The following PTGFR variants were observed in gnomAD, a reference collection of about 807,000 sequenced individuals.
The protein encoded by PTGFR is prostaglandin F2-alpha receptor.
In PTGFR, 15 loss-of-function variants were observed where a neutral mutation model predicts 26.2. The ratio of observed to expected loss-of-function variants is 0.57; its 90% CI spans 0.38 to 0.88. PTGFR has a LOEUF of 0.88. PTGFR is among the 40% of genes least tolerant of loss of function. PTGFR has a pLI of 0.00. For missense variants in PTGFR, 369 were observed against 427.2 expected (o/e 0.86, Z 1.20); for synonymous variants, 165 against 151.1 (o/e 1.09, Z -0.68).
intron 2 of PTGFR, among the ~76,000 whole-genome samples, chr1:78,498,992 A>G (rs1013106375): frequency 2.0e-5 from 3 of 152,178 alleles, no homozygotes; most frequent in Non-Finnish European, 4.4e-5. Context: ...AGCAGAAAAG[A>G]CATATTTTAG....
At chr1:78,515,762 T>C (rs957221779) in intron 2 of PTGFR, among the ~76,000 whole-genome samples, 2 of 152,212 alleles carry the variant, frequency 1.3e-5, no homozygotes, top group Non-Finnish European at 2.9e-5. Context: ...ATTAATCTAA[T>C]TTCTTAAGTG....
intron 2 of PTGFR, among the ~76,000 whole-genome samples, chr1:78,523,192 T>C (rs1202673477): frequency 6.6e-6 from 1 of 152,090 alleles, no homozygotes; most frequent in East Asian, 1.9e-4. Flanking sequence ...TTGTAGGTTG[T>C]TGTACACTAT....
In PTGFR at chr1:78,536,440, A is replaced by T. The variant is rs1211954194; in HGVS notation, c.833A>T (p.His278Leu). 1 of 1,612,528 alleles carries T rather than the reference A, an allele frequency of 6.2e-7. No homozygotes were observed. Among genetic ancestry groups the T allele is most frequent in the African/African-American group, 1.3e-5 (1 of 74,868 alleles). The change falls in exon 3 of 3, where the codon CAT (histidine) becomes CTT (leucine). Residue 278 changes from histidine to leucine, a missense_variant. His to Leu is a moderately conservative substitution (Grantham distance 99, BLOSUM62 -3). Coordinates refer to ENST00000370757, the MANE Select transcript of PTGFR (RefSeq NM_000959.4). Reference sequence around the variant, plus strand: ...GCCAACATTGGAATAAATGGAAATCATTCTCTGGAAACCTGTGAAACAACA... The same window carrying T: ...GCCAACATTGGAATAAATGGAAATCTTTCTCTGGAAACCTGTGAAACAACA... ...TMANIGINGN[H>L]SLETCETTLF...
intron 2 of PTGFR, chr1:78,532,492 G>A (rs868215235): frequency 2.4e-5 from 2 of 84,964 alleles, no homozygotes; most frequent in South Asian, 5.8e-4. Flanking sequence ...GTGTATATAT[G>A]TGTATATATT....
At chr1:78,504,974 A>G (rs765951868) in intron 2 of PTGFR, among the ~76,000 whole-genome samples, 28 of 152,118 alleles carry the variant, frequency 1.8e-4, no homozygotes, top group Non-Finnish European at 2.9e-4. Context: ...CTTGAGTACA[A>G]TTGATCAATT....
intron 2 of PTGFR, among the ~76,000 whole-genome samples, chr1:78,525,532 C>T (rs1199191442): frequency 6.6e-6 from 1 of 151,948 alleles, no homozygotes; most frequent in Non-Finnish European, 1.5e-5. Flanking sequence ...GTATCATCAA[C>T]CAGGGAAGAT....
intron 2 of PTGFR, among the ~76,000 whole-genome samples, chr1:78,496,876 A>G (rs2100350586): frequency 6.8e-6 from 1 of 147,574 alleles, no homozygotes; most frequent in East Asian, 2.0e-4. Context: ...ATTTACAAAT[A>G]CTCCCTCCCC....
rs1650720548 is a variant in PTGFR, at chr1:78,538,722, T to C, written c.*2035T>C. The C allele has an allele frequency of 6.6e-6, 1 of 152,076 alleles. No individual in the cohort carries two copies. Among genetic ancestry groups the C allele is most frequent in the African/African-American group, 2.4e-5 (1 of 41,434 alleles). The allele number at this position is 152,076 out of a possible 1,614,324, so 9.4% of individuals were successfully genotyped here. A position where few individuals can be genotyped will look rare whatever the true frequency, so the allele number is the denominator to read the frequency against. On this transcript the variant is annotated 3_prime_UTR_variant, in exon 3 of 3. Transcript: ENST00000370757. The stretch of plus-strand genomic sequence containing the variant: ...AGACTGGAACATCTACCAATAACTT[T>C]CACATAAATGTTCAAAATAGAAGTG...
At position 78,513,487 on chromosome 1, in the gene PTGFR, G is replaced by A. The variant is rs78613673; in HGVS notation, c.798+19946G>A. Among the ~76,000 whole-genome samples the A allele has an allele frequency of 3.4e-3, 513 of 151,402 alleles. 5 individuals are homozygous for A. The highest frequency in any genetic ancestry group is 0.012 in the African/African-American group (485 of 40,682). On this transcript the variant is annotated intron_variant, in intron 2 of 2. Transcript: ENST00000370757. ...GCAGAAGAAATCTCTAAGCAGCAAA[G>A]CATTTAAGAAATGGCATGACTACTT...
intron 2 of PTGFR, among the ~76,000 whole-genome samples, chr1:78,528,821 C>T: frequency 6.6e-6 from 1 of 151,894 alleles, no homozygotes; most frequent in East Asian, 1.9e-4. Context: ...GCACAGTAAG[C>T]AACACATACA....
At chr1:78,536,038 T>G (rs1344623183) in intron 2 of PTGFR, among the ~76,000 whole-genome samples, 2 of 152,184 alleles carry the variant, frequency 1.3e-5, no homozygotes, top group Non-Finnish European at 2.9e-5. Flanking sequence ...ATCTATAATT[T>G]ATTTATTTAA....
intron 2 of PTGFR, among the ~76,000 whole-genome samples, chr1:78,517,824 G>C (rs1043327008): frequency 5.9e-5 from 9 of 152,094 alleles, no homozygotes; most frequent in African/African-American, 2.2e-4. Flanking sequence ...GATCATTTTG[G>C]GTGCTTTGTA....
At chr1:78,511,387 A>G (rs1649966579) in intron 2 of PTGFR, among the ~76,000 whole-genome samples, 1 of 152,204 alleles carries the variant, frequency 6.6e-6, no homozygotes, top group Non-Finnish European at 1.5e-5. Context: ...TAGGTTTAAT[A>G]CCATGTGGAA....
At position 78,493,665 on chromosome 1, in the gene PTGFR, A is replaced by G. The variant is rs559228234; in HGVS notation, c.798+124A>G. 5.3e-5 allele frequency: 50 copies of G among 946,466 alleles called. No homozygotes were observed. In the African/African-American group the frequency reaches 6.9e-4, roughly 13 times the overall value. The allele number at this position is 946,466 out of a possible 1,614,324, so 58.6% of individuals were successfully genotyped here. A position where few individuals can be genotyped will look rare whatever the true frequency, so the allele number is the denominator to read the frequency against. ...CTACTCAAAATTTATTTCAGCACTCAGCTCTGGCTTAGAATTACATGACAT... is the reference window on the plus strand; with the variant it reads ...CTACTCAAAATTTATTTCAGCACTCGGCTCTGGCTTAGAATTACATGACAT... On this transcript the variant is annotated intron_variant, in intron 2 of 2. Transcript: ENST00000370757.
intron 2 of PTGFR, among the ~76,000 whole-genome samples, chr1:78,519,183 G>C (rs888533426): frequency 6.6e-6 from 1 of 152,094 alleles, no homozygotes; most frequent in Non-Finnish European, 1.5e-5. Context: ...CCATCTCTGA[G>C]AGTGGAAAGC....
chr1:78,501,283 G>A (rs1440505450), intron 2 of PTGFR, among the ~76,000 whole-genome samples: 1 of 152,156 alleles, frequency 6.6e-6, no homozygotes, highest in Admixed American at 6.5e-5. Flanking sequence ...TATCTTTATA[G>A]GAAGTATATA....
chr1:78,525,952 C>T (rs1157857021), intron 2 of PTGFR, among the ~76,000 whole-genome samples: 1 of 151,954 alleles, frequency 6.6e-6, no homozygotes, highest in African/African-American at 2.4e-5. Context: ...AGAAACTGTT[C>T]CAATTGGAAG....
At chr1:78,498,588 T>C (rs1433268386) in intron 2 of PTGFR, among the ~76,000 whole-genome samples, 1 of 152,160 alleles carries the variant, frequency 6.6e-6, no homozygotes, top group African/African-American at 2.4e-5. Context: ...GTGGGTGGCA[T>C]AGCTAATAGA....
At position 78,493,281 on chromosome 1, in the gene PTGFR, C is replaced by G; in HGVS notation, c.538C>G (p.Gln180Glu). The change falls in exon 2 of 3, where the codon CAG becomes GAG. Residue 180 changes from glutamine (Q) to glutamate (E), a missense_variant. By Grantham distance (29) the Gln-to-Glu change is conservative. Coordinates refer to ENST00000370757, the MANE Select transcript of PTGFR (RefSeq NM_000959.4). ...CCTTGGACATCGAGACTATAAAATTCAGGCGTCGAGGACCTGGTGTTTCTA... is the reference window on the plus strand; with the variant it reads ...CCTTGGACATCGAGACTATAAAATTGAGGCGTCGAGGACCTGGTGTTTCTA... ...PILGHRDYKIQASRTWCFYNT... is the reference protein window; with the variant it reads ...PILGHRDYKIEASRTWCFYNT... The G allele has an allele frequency of 6.2e-7, 1 of 1,614,140 alleles. No individual in the cohort carries two copies.
Sources: gnomAD v4.1 joint callset for allele counts (sites outside exome capture counted in the v4.1 genomes callset) on GRCh38, gnomAD v4.1.1 for gene constraint, MANE v1.5 for transcripts, NCBI Gene and HGNC (gene_info 2026-07-23, HGNC 2026-07-21) for gene names.